RMDN3: variants seen among roughly 807,000 people sequenced by gnomAD.
RMDN3 encodes regulator of microtubule dynamics 3, also known as regulator of microtubule dynamics protein 3.
RMDN3 carries 41 observed loss-of-function variants against 61.8 expected under a neutral mutation model. The observed-to-expected ratio is 0.66, with a 90% CI of 0.52 to 0.86. RMDN3 has a LOEUF of 0.86. Among genes scored for constraint, RMDN3 ranks in the 40% least tolerant of loss-of-function variants. RMDN3 has a pLI of 0.00. For missense variants in RMDN3, 557 were observed against 585.3 expected, an observed-to-expected ratio of 0.95 and a Z score of 0.50; for synonymous variants, 247 against 232.0, an observed-to-expected ratio of 1.06 and a Z score of -0.59.
chr15:40,742,171 GTT>G (rs896797307), intron 6 of RMDN3, among the ~76,000 whole-genome samples: 4 of 134,938 alleles, frequency 3.0e-5, no homozygotes, highest in Admixed American at 7.4e-5. Flanking sequence ...AATTTTTTAA[GTT>G]TTTTTTTTTT....
At chr15:40,752,505 C>T (rs1897873684) in intron 2 of RMDN3, among the ~76,000 whole-genome samples, 1 of 151,494 alleles carries the variant, frequency 6.6e-6, no homozygotes, top group African/African-American at 2.4e-5. Flanking sequence ...AAACAAAAAC[C>T]TTCACCTCAC....
At chr15:40,752,453 T>C (rs1236637159) in intron 2 of RMDN3, among the ~76,000 whole-genome samples, 1 of 151,214 alleles carries the variant, frequency 6.6e-6, no homozygotes, top group Non-Finnish European at 1.5e-5. Context: ...TGCCCAAGTG[T>C]GGAACCTGAA....
At chr15:40,745,464 G>A (rs1435820195) in intron 4 of RMDN3, among the ~76,000 whole-genome samples, 2 of 147,688 alleles carry the variant, frequency 1.4e-5, no homozygotes. Context: ...CCAGACTGGA[G>A]TGCAGTGGTT....
At position 40,745,056 on chromosome 15, in the gene RMDN3, T is replaced by C; in HGVS notation, c.728A>G (p.Gln243Arg). The C allele has an allele frequency of 1.2e-6, 2 of 1,614,102 alleles. No individual in the cohort carries two copies. The highest frequency in any genetic ancestry group is 1.7e-6 in the Non-Finnish European group (2 of 1,179,998). ...ACCCCTGTGCAGCTCGTCGGCCTGC[T>C]GCAGGAGGGGCAGCACATCCTCCAA... ...SGLEDVLPLL[Q>R]QADELHRGDE... is the part of the protein sequence containing the mutation. Residue 243 changes from glutamine to arginine, a missense_variant, in exon 5 of 13, where the codon CAG (glutamine) becomes CGG (arginine). Transcript: ENST00000338376.
intron 4 of RMDN3, among the ~76,000 whole-genome samples, chr15:40,749,022 G>A (rs566323980): frequency 2.6e-5 from 4 of 151,856 alleles, no homozygotes; most frequent in East Asian, 1.9e-4. Flanking sequence ...TTCTGCCTCC[G>A]CCTCCTAGGT....
chr15:40,739,577 G>A (rs3092983), intron 7 of RMDN3: 77,331 of 152,716 alleles, frequency 0.51, 20,309 homozygotes, highest in East Asian at 0.79. Flanking sequence ...TCAGGTGCTG[G>A]AACCAGACCC....
chr15:40,750,210 GTTTTTTTTTTT>G (rs10586666), intron 4 of RMDN3, among the ~76,000 whole-genome samples: 14 of 89,702 alleles, frequency 1.6e-4, no homozygotes, highest in African/African-American at 5.2e-4. Flanking sequence ...TGCCCAGCTC[GTTTTTTTTTTT>G]TTTTTTTTTT....
chr15:40,737,549 C>T (rs1897105549), intron 10 of RMDN3, 79 bp downstream of exon 10: 6 of 1,343,112 alleles, frequency 4.5e-6, no homozygotes, highest in East Asian at 2.3e-5. Context: ...AAACCCCTCC[C>T]ATTAAGGGTC....
intron 4 of RMDN3, among the ~76,000 whole-genome samples, chr15:40,745,833 T>C (rs879301517): frequency 6.6e-5 from 10 of 152,124 alleles, no homozygotes; most frequent in Non-Finnish European, 1.2e-4. Context: ...ACAACCAACA[T>C]GGGTGGGTGC....
At chr15:40,736,930 T>TGCAACCTCCACCTCCCG in intron 12 of RMDN3, among the ~76,000 whole-genome samples, 194 bp downstream of exon 12, 1 of 152,320 alleles carries the variant, frequency 6.6e-6, no homozygotes, top group Middle Eastern at 3.4e-3. Flanking sequence ...CTGAGCTCAC[T>TGCAACCTCCACCTCCCG]GCAACCTCCA....
rs1271786393 is a variant in RMDN3, at chr15:40,751,994, C to T, written c.372G>A (p.Gly124=). The change falls in exon 3 of 13, where the codon GGG becomes GGA. Residue 124 remains glycine (G), a synonymous_variant. Transcript: ENST00000338376. ...SLRGLAGEIV[G]EVRCHMEENQ... is the part of the protein sequence containing the mutation. ...GAAGCCGCATTACTCACCGGACCTC[C>T]CCAACAATCTCCCCCGCAAGCCCTC... 2 of 1,613,772 alleles carry T rather than the reference C, an allele frequency of 1.2e-6. No homozygotes were observed. Among genetic ancestry groups the T allele is most frequent in the Non-Finnish European group, 1.7e-6 (2 of 1,179,798 alleles).
rs908373662 is a variant in RMDN3, at chr15:40,743,419, A to T, written c.910+628T>A. 9.7e-4 allele frequency among the ~76,000 whole-genome samples: 21 copies of T among 21,688 alleles called. No individual in the cohort carries two copies. The East Asian group carries it at 0.17, about 172-fold the overall frequency. The allele number at this position is 21,688 out of a possible 152,430, so 14.2% of individuals were successfully genotyped here. ...CTGGGCAACAGAGAAAGACTGTTTA[A>T]AAAAAAAAAAAAAATAGATATTAAC... On this transcript the variant is annotated intron_variant, in intron 6 of 12. Coordinates refer to ENST00000338376, the MANE Select transcript of RMDN3 (RefSeq NM_018145.3).
At chr15:40,747,658 CG>C (rs1322732342) in intron 4 of RMDN3, 4 of 132,088 alleles carry the variant, frequency 3.0e-5, no homozygotes, top group Non-Finnish European at 1.7e-5. Context: ...CTGCCAGAGA[CG>C]AGCAGGGACC....
chr15:40,742,241 C>T (rs1226540455), intron 6 of RMDN3, among the ~76,000 whole-genome samples: 2 of 147,810 alleles, frequency 1.4e-5, no homozygotes, highest in Non-Finnish European at 3.0e-5. Context: ...CTCCTGGGCT[C>T]AAGCAATCCT....
chr15:40,741,860 C>G (rs1567063448), intron 6 of RMDN3, among the ~76,000 whole-genome samples: 1 of 151,820 alleles, frequency 6.6e-6, no homozygotes, highest in Non-Finnish European at 1.5e-5. Flanking sequence ...CTCCTGACCT[C>G]AGGTGATGCG....
At position 40,744,106 on chromosome 15, in the gene RMDN3, T is replaced by G. The variant is rs762395512; in HGVS notation, c.851A>C (p.Tyr284Ser). The change falls in exon 6 of 13, where the codon TAC (tyrosine) becomes TCC (serine). Residue 284 changes from tyrosine (Y) to serine (S), a missense_variant. By Grantham distance (144) the Tyr-to-Ser change is moderately radical. Coordinates refer to ENST00000338376, the MANE Select transcript of RMDN3 (RefSeq NM_018145.3). ...CTCAGTGAGCTCACACATGTCACTGTAGGCTCGGGCCAGGCGCCAGAGAAA... is the reference window on the plus strand; with the variant it reads ...CTCAGTGAGCTCACACATGTCACTGGAGGCTCGGGCCAGGCGCCAGAGAAA... ...QDFLWRLARA[Y>S]SDMCELTEEV... The G allele has an allele frequency of 3.7e-6, 6 of 1,613,552 alleles. No homozygotes were observed. The Admixed American group carries it at 8.3e-5, about 22-fold the overall frequency.
intron 5 of RMDN3, chr15:40,744,415 T>A: frequency 2.8e-6 from 1 of 360,082 alleles, no homozygotes; most frequent in East Asian, 5.9e-5. Flanking sequence ...GGAGGAAAGG[T>A]CAACTCCAAG....
Position 40,754,755 on chromosome 15 carries a change from G to C in RMDN3, c.29C>G (p.Ala10Gly). 6.5e-7 allele frequency: 1 copy of C among 1,527,122 alleles called. No homozygotes were observed. Among genetic ancestry groups the C allele is most frequent in the South Asian group, 1.1e-5 (1 of 90,144 alleles). The allele number at this position is 1,527,122 out of a possible 1,614,324, so 94.6% of individuals were successfully genotyped here. A position where few individuals can be genotyped will look rare whatever the true frequency, so the allele number is the denominator to read the frequency against. Residue 10 changes from alanine to glycine, a missense_variant, in exon 2 of 13, where the codon GCC (alanine) becomes GGC (glycine). By Grantham distance (60) the Ala-to-Gly change is moderately conservative. Transcript: ENST00000338376. ...CAGCAACAGTCCCAGCCCGGCACGG[G>C]CACCACCCAGGGCTCCCAGTCTAGA... MSRLGALGGARAGLGLLLGT... is the reference protein window; with the variant it reads MSRLGALGGGRAGLGLLLGT...
At chr15:40,746,706 AC>A (rs1409830608) in intron 4 of RMDN3, among the ~76,000 whole-genome samples, 1 of 152,162 alleles carries the variant, frequency 6.6e-6, no homozygotes, top group Non-Finnish European at 1.5e-5. Flanking sequence ...GAGCAGCCAG[AC>A]CTGGTACCCA....
Sources: allele counts gnomAD v4.1 joint callset (sites outside exome capture counted in the v4.1 genomes callset), GRCh38; gene constraint gnomAD v4.1.1; transcripts MANE v1.5; gene names NCBI Gene and HGNC (gene_info 2026-07-23, HGNC 2026-07-21).